PCDHA4: variants seen among roughly 807,000 people sequenced by gnomAD.
PCDHA4 encodes protocadherin alpha 4.
PCDHA4 carries 49 observed loss-of-function variants against 61.4 expected under a neutral mutation model. That is an observed-to-expected ratio of 0.80 (90% confidence interval 0.63 to 1.01). PCDHA4 has a LOEUF of 1.01. Ranked by LOEUF, PCDHA4 falls within the 50% of genes least tolerant of loss-of-function variation. The pLI, the probability that PCDHA4 is intolerant of heterozygous loss-of-function variation, is 0.00. For missense variants in PCDHA4, 1,254 were observed against 1,235.8 expected (o/e 1.01, Z -0.22); for synonymous variants, 590 against 550.3 (o/e 1.07, Z -1.01).
chr5:140,835,261 T>A (rs2150232896), intron 1 of PCDHA4: 1 of 1,608,418 alleles, frequency 6.2e-7, no homozygotes, highest in Admixed American at 1.7e-5. Flanking sequence ...AAATCCAAGT[T>A]CCACATGGAC....
intron 1 of PCDHA4, chr5:140,853,687 T>C (rs1025605569): frequency 3.0e-6 from 3 of 988,362 alleles, no homozygotes; most frequent in African/African-American, 3.5e-5. Context: ...AACCTATCCT[T>C]AGACCTGCTA....
intron 1 of PCDHA4, chr5:140,966,787 A>G (rs781920865): frequency 6.5e-7 from 1 of 1,526,816 alleles, no homozygotes; most frequent in African/African-American, 1.4e-5. Context: ...CGGGCACCAG[A>G]CCTGCGGCGA....
In PCDHA4 at chr5:140,830,077, G is replaced by T. The variant is rs2150180808; in HGVS notation, c.2385+20505G>T. The T allele has an allele frequency of 8.1e-6, 13 of 1,613,546 alleles. No homozygotes were observed. In the South Asian group the frequency reaches 1.2e-4, roughly 15 times the overall value. On this transcript the variant is annotated intron_variant, in intron 1 of 3. Transcript: ENST00000530339. Reference sequence around the variant, plus strand: ...ACGGTGAGCCGGCGCTGACAGCGACGGCCACGGTTCTGGTGTCGCTGGTGG... The same window carrying T: ...ACGGTGAGCCGGCGCTGACAGCGACTGCCACGGTTCTGGTGTCGCTGGTGG...
At chr5:140,946,077 C>T (rs246055) in intron 1 of PCDHA4, among the ~76,000 whole-genome samples, 85,716 of 151,878 alleles carry the variant, frequency 0.56, 24,786 homozygotes, top group African/African-American at 0.69. Context: ...TTGCAAACCA[C>T]AGATCTGATA....
intron 1 of PCDHA4, chr5:140,869,898 C>T (rs782158709): frequency 6.2e-7 from 1 of 1,610,356 alleles, no homozygotes; most frequent in Non-Finnish European, 8.5e-7. Flanking sequence ...TCAAACTAAA[C>T]GCCACAGACC....
intron 1 of PCDHA4, chr5:140,877,636 C>T (rs1554169939): frequency 1.2e-6 from 2 of 1,613,640 alleles, no homozygotes; most frequent in Admixed American, 1.7e-5. Context: ...CACTGCGCTG[C>T]GTTGCTCAGC....
chr5:140,918,423 G>A (rs1450010103), intron 1 of PCDHA4, among the ~76,000 whole-genome samples: 2 of 152,076 alleles, frequency 1.3e-5, no homozygotes, highest in Admixed American at 1.3e-4. Context: ...CTTCCAGTAG[G>A]ATGTTGAATA....
At chr5:140,992,805 A>G (rs2097529327) in intron 3 of PCDHA4, among the ~76,000 whole-genome samples, 1 of 152,078 alleles carries the variant, frequency 6.6e-6, no homozygotes, top group Non-Finnish European at 1.5e-5. Flanking sequence ...ATCCATATGT[A>G]TCTAAGGATG....
chr5:140,986,625 C>T (rs1312536887), intron 3 of PCDHA4, among the ~76,000 whole-genome samples: 2 of 152,122 alleles, frequency 1.3e-5, no homozygotes, highest in African/African-American at 4.8e-5. Flanking sequence ...TTACCTAAGG[C>T]AACAGTACAT....
In PCDHA4 at chr5:140,808,220, G is replaced by A. The variant is rs868947123; in HGVS notation, c.1033G>A (p.Asp345Asn). ...RVIVEVEDNN[D>N]NVPDLEFKSL... Reference sequence around the variant, plus strand: ...TATTGTGGAAGTAGAAGACAACAACGATAATGTCCCAGATTTGGAATTCAA... The same window carrying A: ...TATTGTGGAAGTAGAAGACAACAACAATAATGTCCCAGATTTGGAATTCAA... Residue 345 changes from aspartate to asparagine, a missense_variant, in exon 1 of 4, where the codon GAT becomes AAT. Coordinates refer to ENST00000530339, the MANE Select transcript of PCDHA4 (RefSeq NM_018907.4). 7 of 1,614,204 alleles carry A rather than the reference G, an allele frequency of 4.3e-6. No individual in the cohort carries two copies. Among genetic ancestry groups the A allele is most frequent in the Non-Finnish European group, 5.9e-6 (7 of 1,180,030 alleles).
intron 1 of PCDHA4, chr5:140,875,208 C>T (rs1297860404): frequency 3.0e-6 from 2 of 668,426 alleles, no homozygotes; most frequent in Non-Finnish European, 2.2e-6. Context: ...GTGGCTAAAC[C>T]GAAAAGAACC....
intron 1 of PCDHA4, among the ~76,000 whole-genome samples, chr5:140,961,630 C>A (rs1387087976): frequency 1.3e-5 from 2 of 152,136 alleles, no homozygotes; most frequent in Non-Finnish European, 2.9e-5. Context: ...ATATGAAAAA[C>A]AATCTTAAGT....
intron 1 of PCDHA4, chr5:140,883,493 C>T (rs1554178441): frequency 6.2e-7 from 1 of 1,614,174 alleles, no homozygotes; most frequent in Non-Finnish European, 8.5e-7. Flanking sequence ...CTCATTAGTG[C>T]TGGACAGCGC....
At chr5:140,950,669 G>C (rs1554219570) in intron 1 of PCDHA4, among the ~76,000 whole-genome samples, 1 of 151,992 alleles carries the variant, frequency 6.6e-6, no homozygotes, top group African/African-American at 2.4e-5. Flanking sequence ...TATCAAACAT[G>C]TACATGTATA....
At position 140,882,346 on chromosome 5, in the gene PCDHA4, G is replaced by C. The variant is rs146510190; in HGVS notation, c.2385+72774G>C. 1,878 of 1,614,194 alleles carry C rather than the reference G, an allele frequency of 1.2e-3. 37 individuals are homozygous for C. In the South Asian group the frequency reaches 0.019, roughly 17 times the overall value. On this transcript the variant is annotated intron_variant, in intron 1 of 3. Transcript: ENST00000530339. ...TTCTGATCCTCGCAGCCTGGGAGAC[G>C]GGTAGTGGCCAGCTCCACTACTCCG...
intron 1 of PCDHA4, chr5:140,883,939 C>T (rs782266148): frequency 6.2e-7 from 1 of 1,613,422 alleles, no homozygotes; most frequent in Non-Finnish European, 8.5e-7. Context: ...TCGTGCTGGA[C>T]GAGAACGACA....
chr5:140,894,956 A>T (rs2064745767), intron 1 of PCDHA4, among the ~76,000 whole-genome samples: 1 of 152,208 alleles, frequency 6.6e-6, no homozygotes, highest in South Asian at 2.1e-4. Context: ...AATGATAAAA[A>T]TATAATTTTT....
At position 140,926,980 on chromosome 5, in the gene PCDHA4, A is replaced by T. The variant is rs781916280; in HGVS notation, c.2386-51969A>T. ...GCTCGAGTACTCAGTGCCGGAGGAG[A>T]CGGAGCGGGGCGTAGCCGTAGGCAA... On this transcript the variant is annotated intron_variant, in intron 1 of 3. Transcript: ENST00000530339. The T allele has an allele frequency of 1.9e-6, 3 of 1,610,246 alleles. No individual in the cohort carries two copies. The Admixed American group carries it at 5.0e-5, about 27-fold the overall frequency.
intron 1 of PCDHA4, chr5:140,822,308 A>G (rs2150115344): frequency 3.1e-6 from 5 of 1,614,222 alleles, no homozygotes; most frequent in Non-Finnish European, 4.2e-6. Flanking sequence ...GAATATTTTG[A>G]CTTAGATGTT....
Sources: gnomAD v4.1 joint callset for allele counts (sites outside exome capture counted in the v4.1 genomes callset) on GRCh38, gnomAD v4.1.1 for gene constraint, MANE v1.5 for transcripts, NCBI Gene and HGNC (gene_info 2026-07-23, HGNC 2026-07-21) for gene names.